The following WDFY2 variants were observed in gnomAD, a reference collection of about 807,000 sequenced individuals.
WDFY2 encodes WD repeat and FYVE domain-containing protein 2.
In WDFY2, 36 loss-of-function variants were observed where a neutral mutation model predicts 56.4. The observed-to-expected ratio is 0.64, with a 90% CI of 0.49 to 0.84. The LOEUF (loss-of-function observed/expected upper bound fraction) is 0.84. Ranked by LOEUF, WDFY2 falls within the 40% of genes least tolerant of loss-of-function variation. The probability of loss-of-function intolerance (pLI) is 0.00; values close to 1 mark genes in which losing one functional copy is unlikely to be tolerated. For synonymous variants in WDFY2, 176 were observed against 183.7 expected (o/e 0.96, Z 0.34); for missense variants, 444 against 512.2 (o/e 0.87, Z 1.29).
chr13:51,721,104 A>G (rs1952479538), intron 5 of WDFY2, among the ~76,000 whole-genome samples: 1 of 152,172 alleles, frequency 6.6e-6, no homozygotes, highest in South Asian at 2.1e-4. Context: ...TTGAATATAT[A>G]CAATCTTTGT....
intron 1 of WDFY2, among the ~76,000 whole-genome samples, chr13:51,656,872 G>A (rs931311074): frequency 6.6e-6 from 1 of 151,786 alleles, no homozygotes; most frequent in African/African-American, 2.4e-5. Flanking sequence ...GTGTCTTTGG[G>A]TTTAAAGTAG....
chr13:51,604,780 TG>T (rs1188438948), intron 1 of WDFY2, among the ~76,000 whole-genome samples: 1 of 152,118 alleles, frequency 6.6e-6, no homozygotes, highest in African/African-American at 2.4e-5. Context: ...GTGGATAGAG[TG>T]TCAGGGGACA....
chr13:51,710,409 T>A (rs1952185221), intron 4 of WDFY2, among the ~76,000 whole-genome samples: 2 of 152,180 alleles, frequency 1.3e-5, no homozygotes, highest in South Asian at 4.2e-4. Context: ...ACCACTCCTA[T>A]TCAACATAGT....
At position 51,762,239 on chromosome 13, in the gene WDFY2, A is replaced by T. The variant is rs1333989772; in HGVS notation, c.*2470A>T. On this transcript the variant is annotated 3_prime_UTR_variant, in exon 12 of 12. Coordinates refer to ENST00000298125, the MANE Select transcript of WDFY2 (RefSeq NM_052950.4). ...CCAGCAAGCCTGTATGGGTTCTGAGATGGGTCTAGATGCGTTCAGACCTCA... is the reference window on the plus strand; with the variant it reads ...CCAGCAAGCCTGTATGGGTTCTGAGTTGGGTCTAGATGCGTTCAGACCTCA... 1 of 152,152 alleles carries T rather than the reference A, an allele frequency of 6.6e-6. No homozygotes were observed. The highest frequency in any genetic ancestry group is 1.5e-5 in the Non-Finnish European group (1 of 68,054). The allele number at this position is 152,152 out of a possible 1,614,324, so 9.4% of individuals were successfully genotyped here.
chr13:51,604,463 T>G (rs1374470270), intron 1 of WDFY2, among the ~76,000 whole-genome samples: 1 of 151,970 alleles, frequency 6.6e-6, no homozygotes, highest in Admixed American at 6.6e-5. Flanking sequence ...GAAAGGGCAG[T>G]TTATTATGAG....
chr13:51,732,243 G>A (rs1952740035), intron 6 of WDFY2, among the ~76,000 whole-genome samples: 1 of 151,986 alleles, frequency 6.6e-6, no homozygotes, highest in Non-Finnish European at 1.5e-5. Context: ...CAATTCTCCT[G>A]CCTCAGCCTC....
chr13:51,595,943 CTT>C (rs778422916), intron 1 of WDFY2, among the ~76,000 whole-genome samples: 1 of 152,160 alleles, frequency 6.6e-6, no homozygotes, highest in African/African-American at 2.4e-5. Flanking sequence ...GGATTTGACT[CTT>C]TGCTCTGCCA....
intron 2 of WDFY2, among the ~76,000 whole-genome samples, chr13:51,661,337 G>T (rs1955608934): frequency 6.6e-6 from 1 of 151,962 alleles, no homozygotes; most frequent in East Asian, 1.9e-4. Flanking sequence ...TGAAGTTTGG[G>T]CATCCTATCC....
At chr13:51,677,338 A>G (rs1057353342) in intron 3 of WDFY2, among the ~76,000 whole-genome samples, 1 of 152,198 alleles carries the variant, frequency 6.6e-6, no homozygotes. Context: ...ACCTCTTCTC[A>G]TCTATGGAAT....
chr13:51,704,711 T>A (rs1952048865), intron 4 of WDFY2, among the ~76,000 whole-genome samples: 1 of 152,206 alleles, frequency 6.6e-6, no homozygotes. Flanking sequence ...TTATTTTAAG[T>A]TACCTGAGCC....
chr13:51,656,408 C>T lies in WDFY2; in HGVS notation c.138-4188C>T, dbSNP rs571811376. ...TATTAAGAATTGTTTTACAGCCTAA[C>T]AGCTGAGCAATCCTAGAGAATGTTC... On this transcript the variant is annotated intron_variant, in intron 1 of 11. Coordinates refer to ENST00000298125, the MANE Select transcript of WDFY2 (RefSeq NM_052950.4). Among the ~76,000 whole-genome samples the T allele has an allele frequency of 2.0e-5, 3 of 152,134 alleles. No homozygotes were observed. The South Asian group carries it at 6.2e-4, about 31-fold the overall frequency.
intron 1 of WDFY2, among the ~76,000 whole-genome samples, chr13:51,600,953 AT>A (rs1280354711): frequency 6.6e-6 from 1 of 152,196 alleles, no homozygotes; most frequent in African/African-American, 2.4e-5. Flanking sequence ...TCATTGCTTT[AT>A]TTGCTGATTT....
intron 3 of WDFY2, among the ~76,000 whole-genome samples, chr13:51,681,868 A>C (rs1955982398): frequency 6.6e-6 from 1 of 152,158 alleles, no homozygotes; most frequent in Admixed American, 6.5e-5. Context: ...GTGTGAATCA[A>C]AGACCTCTCA....
In WDFY2 at chr13:51,763,567, G is replaced by A. The variant is rs1276750749; in HGVS notation, c.*3798G>A. The A allele has an allele frequency of 6.6e-6, 1 of 152,260 alleles. No homozygotes were observed. The highest frequency in any genetic ancestry group is 1.5e-5 in the Non-Finnish European group (1 of 68,068). The allele number at this position is 152,260 out of a possible 1,614,324, so 9.4% of individuals were successfully genotyped here. A position where few individuals can be genotyped will look rare whatever the true frequency, so the allele number is the denominator to read the frequency against. On this transcript the variant is annotated 3_prime_UTR_variant, in exon 12 of 12. Transcript: ENST00000298125. ...TAATCTGAACACTTTGGGAGGACAAGGTGGGAGGATTGCTGAGCCCAGGAG... is the reference window on the plus strand; with the variant it reads ...TAATCTGAACACTTTGGGAGGACAAAGTGGGAGGATTGCTGAGCCCAGGAG...
Position 51,730,955 on chromosome 13 carries a change from G to T in WDFY2, c.598+3165G>T, listed in dbSNP as rs1952709760. Among the ~76,000 whole-genome samples the T allele has an allele frequency of 2.6e-5, 4 of 152,322 alleles. No homozygotes were observed. In the South Asian group the frequency reaches 8.3e-4, roughly 32 times the overall value. ...GAGACCATGCTGGGCATATCCAGTGGTCACTGAGAGACCATTAAAGAGTTT... is the reference window on the plus strand; with the variant it reads ...GAGACCATGCTGGGCATATCCAGTGTTCACTGAGAGACCATTAAAGAGTTT... On this transcript the variant is annotated intron_variant, in intron 6 of 11. Transcript: ENST00000298125.
At chr13:51,736,892 G>A in intron 6 of WDFY2, among the ~76,000 whole-genome samples, 1 of 152,208 alleles carries the variant, frequency 6.6e-6, no homozygotes, top group East Asian at 1.9e-4. Context: ...ATATTTCCAT[G>A]TTGATTCTGA....
At chr13:51,681,936 T>C (rs1955983402) in intron 3 of WDFY2, among the ~76,000 whole-genome samples, 1 of 152,216 alleles carries the variant, frequency 6.6e-6, no homozygotes, top group Admixed American at 6.5e-5. Flanking sequence ...CATCTTTTGC[T>C]CAGTACCTAC....
chr13:51,637,597 A>G (rs781292245), intron 1 of WDFY2, among the ~76,000 whole-genome samples: 2 of 152,140 alleles, frequency 1.3e-5, no homozygotes, highest in African/African-American at 2.4e-5. Flanking sequence ...CTTGCAAGAA[A>G]GAATTCAGGG....
chr13:51,690,876 A>G lies in WDFY2; in HGVS notation c.280-12720A>G, dbSNP rs1297535052. 2.0e-5 allele frequency among the ~76,000 whole-genome samples: 3 copies of G among 152,120 alleles called. No homozygotes were observed. The East Asian group carries it at 5.8e-4, about 29-fold the overall frequency. Reference sequence around the variant, plus strand: ...GCACCTGTTGTTTCCTGACTTTTTAATGATTGCCATTCTAACTGGTGTGAG... The same window carrying G: ...GCACCTGTTGTTTCCTGACTTTTTAGTGATTGCCATTCTAACTGGTGTGAG... On this transcript the variant is annotated intron_variant, in intron 3 of 11. Transcript: ENST00000298125.
Sources: allele counts gnomAD v4.1 joint callset (sites outside exome capture counted in the v4.1 genomes callset), GRCh38; gene constraint gnomAD v4.1.1; transcripts MANE v1.5; gene names NCBI Gene and HGNC (gene_info 2026-07-23, HGNC 2026-07-21).